The following HYCC1 variants were observed in gnomAD, a reference collection of about 807,000 sequenced individuals.
HYCC1 encodes hyccin PI4KA lipid kinase complex subunit 1.
chr7:22,975,682 C>T, the HYCC1 span, among the ~76,000 whole-genome samples: 3 of 152,124 alleles, frequency 2.0e-5, no homozygotes, highest in East Asian at 3.8e-4. Flanking sequence ...TTCAGCTTTA[C>T]ATTCTTCATG....
the HYCC1 span, among the ~76,000 whole-genome samples, chr7:22,900,794 A>G: frequency 6.6e-6 from 1 of 152,208 alleles, no homozygotes; most frequent in Admixed American, 6.5e-5. Context: ...TTAATGATCT[A>G]AACACATTAA....
chr7:22,902,806 A>G, the HYCC1 span, among the ~76,000 whole-genome samples: 3 of 152,180 alleles, frequency 2.0e-5, no homozygotes. Flanking sequence ...CTAAAACTAT[A>G]AAACTTCCAG....
the HYCC1 span, among the ~76,000 whole-genome samples, chr7:23,013,412 T>C: frequency 9.2e-4 from 140 of 152,336 alleles, no homozygotes; most frequent in African/African-American, 3.1e-3. Flanking sequence ...GTGACCATTG[T>C]GGCCACCAGA....
the HYCC1 span, among the ~76,000 whole-genome samples, chr7:22,932,188 T>C: frequency 6.6e-6 from 1 of 152,212 alleles, no homozygotes; most frequent in South Asian, 2.1e-4. Context: ...CTCCCTTGTC[T>C]AATGGCTTGA....
the HYCC1 span, among the ~76,000 whole-genome samples, chr7:23,013,468 G>A: frequency 6.6e-6 from 1 of 152,354 alleles, no homozygotes; most frequent in East Asian, 1.9e-4. Flanking sequence ...GCGCGAGTGG[G>A]AGAGGAGGCA....
the HYCC1 span, among the ~76,000 whole-genome samples, chr7:23,001,378 C>T: frequency 6.6e-6 from 1 of 152,142 alleles, no homozygotes; most frequent in African/African-American, 2.4e-5. Flanking sequence ...AGACCCCATT[C>T]TAATCACCAT....
chr7:22,973,975 T>C, the HYCC1 span, among the ~76,000 whole-genome samples: 1 of 152,292 alleles, frequency 6.6e-6, no homozygotes, highest in African/African-American at 2.4e-5. Context: ...AATACATTTA[T>C]ATATAATACA....
the HYCC1 span, chr7:22,936,960 G>A: frequency 1 from 152,332 of 152,332 alleles, 76,166 homozygotes; most frequent in Non-Finnish European, 1. Context: ...TTTCAAACAT[G>A]TCCTGTCTCA....
the HYCC1 span, among the ~76,000 whole-genome samples, chr7:22,993,372 T>C: frequency 6.6e-6 from 1 of 152,032 alleles, no homozygotes; most frequent in African/African-American, 2.4e-5. Flanking sequence ...AAAGCACTAA[T>C]CACAAGGAGG....
At chr7:22,983,066 T>A in the HYCC1 span, among the ~76,000 whole-genome samples, 3 of 152,096 alleles carry the variant, frequency 2.0e-5, no homozygotes, top group Non-Finnish European at 4.4e-5. Context: ...CAGTGCCTCA[T>A]GCTTGTAATC....
the HYCC1 span, chr7:22,976,860 G>A: frequency 5.5e-5 from 57 of 1,040,382 alleles, no homozygotes; most frequent in Non-Finnish European, 7.9e-5. Flanking sequence ...TGCTGAAAAG[G>A]TGATATATAG....
the HYCC1 span, chr7:23,014,045 A>G: frequency 2.1e-6 from 1 of 471,018 alleles, no homozygotes; most frequent in Admixed American, 2.3e-5. Context: ...TCTTCCTAGC[A>G]GAACGGGTCC....
chr7:22,976,339 T>C, the HYCC1 span: 3 of 1,497,480 alleles, frequency 2.0e-6, no homozygotes, highest in Non-Finnish European at 2.8e-6. Flanking sequence ...TAACAAATCT[T>C]TAGAATTCTA....
At chr7:22,913,741 C>A in the HYCC1 span, among the ~76,000 whole-genome samples, 1 of 152,204 alleles carries the variant, frequency 6.6e-6, no homozygotes, top group Non-Finnish European at 1.5e-5. Context: ...TCTTTTCAGA[C>A]TCAGCCCACC....
the HYCC1 span, chr7:22,936,554 T>C: frequency 1.3e-5 from 2 of 152,238 alleles, no homozygotes; most frequent in African/African-American, 4.8e-5. Context: ...ACAATTATTC[T>C]TGCAATCTGA....
the HYCC1 span, among the ~76,000 whole-genome samples, chr7:22,909,192 G>T: frequency 1.3e-5 from 2 of 152,184 alleles, no homozygotes; most frequent in Non-Finnish European, 2.9e-5. Flanking sequence ...GATCACAGGG[G>T]TGGATCCCTC....
At chr7:22,976,093 CTTAT>C in the HYCC1 span, 1 of 729,446 alleles carries the variant, frequency 1.4e-6, no homozygotes, top group Non-Finnish European at 2.4e-6. Context: ...TTTACATTAA[CTTAT>C]TTAATGTTTT....
chr7:22,900,908 A>G, the HYCC1 span, among the ~76,000 whole-genome samples: 1 of 152,138 alleles, frequency 6.6e-6, no homozygotes, highest in East Asian at 1.9e-4. Context: ...GAAGACACAA[A>G]TAGGTTTGAA....
At chr7:22,946,167 A>G in the HYCC1 span, 1 of 1,609,250 alleles carries the variant, frequency 6.2e-7, no homozygotes, top group Non-Finnish European at 8.5e-7. Flanking sequence ...GTATTTCCTA[A>G]ACAAAGAAAT....
Sources: gnomAD v4.1 joint callset for allele counts (sites outside exome capture counted in the v4.1 genomes callset) on GRCh38, gnomAD v4.1.1 for gene constraint, MANE v1.5 for transcripts, NCBI Gene and HGNC (gene_info 2026-07-23, HGNC 2026-07-21) for gene names.